SLC9A9: variants seen among roughly 807,000 people sequenced by gnomAD.
The protein encoded by SLC9A9 is solute carrier family 9 member A9, also known as sodium/hydrogen exchanger 9.
SLC9A9 carries 62 observed loss-of-function variants against 77.8 expected under a neutral mutation model. The ratio of observed to expected loss-of-function variants is 0.80; its 90% CI spans 0.65 to 0.98. The LOEUF is 0.98. SLC9A9 is among the 50% of genes least tolerant of loss of function. SLC9A9 has a pLI of 0.00. For synonymous variants in SLC9A9, 320 were observed against 283.5 expected (o/e 1.13, Z -1.29); for missense variants, 775 against 774.9 (o/e 1.00, Z 0.00).
intron 2 of SLC9A9, among the ~76,000 whole-genome samples, chr3:143,809,435 G>A (rs965333015): frequency 6.6e-5 from 10 of 152,170 alleles, no homozygotes; most frequent in South Asian, 2.1e-4. Flanking sequence ...GTAAGCTTAC[G>A]AACTGCTAAA....
chr3:143,270,860 G>A (rs57480602), intron 14 of SLC9A9, among the ~76,000 whole-genome samples: 48,389 of 152,084 alleles, frequency 0.32, 9,551 homozygotes, highest in African/African-American at 0.56. Context: ...AAATCTATGC[G>A]TAGTAGTGCT....
intron 12 of SLC9A9, among the ~76,000 whole-genome samples, chr3:143,431,710 C>G (rs904035455): frequency 6.6e-6 from 1 of 151,912 alleles, no homozygotes; most frequent in African/African-American, 2.4e-5. Flanking sequence ...CTTGATCTCC[C>G]GACCTCGTGA....
At chr3:143,335,592 A>C (rs560610045) in intron 14 of SLC9A9, among the ~76,000 whole-genome samples, 1 of 152,324 alleles carries the variant, frequency 6.6e-6, no homozygotes, top group South Asian at 2.1e-4. Flanking sequence ...ATGGAACAAA[A>C]CAGAGCACCT....
chr3:143,648,394 C>G (rs1412533358), intron 6 of SLC9A9, among the ~76,000 whole-genome samples: 1 of 152,156 alleles, frequency 6.6e-6, no homozygotes, highest in African/African-American at 2.4e-5. Context: ...CTAGATCCCT[C>G]ACATGCGCAG....
At chr3:143,499,520 C>T (rs2035893190) in intron 9 of SLC9A9, among the ~76,000 whole-genome samples, 1 of 152,066 alleles carries the variant, frequency 6.6e-6, no homozygotes, top group Non-Finnish European at 1.5e-5. Flanking sequence ...TAATAATTCT[C>T]ACAGTTTATT....
intron 5 of SLC9A9, among the ~76,000 whole-genome samples, chr3:143,680,044 T>G (rs996684454): frequency 4.6e-5 from 7 of 151,986 alleles, no homozygotes; most frequent in African/African-American, 1.7e-4. Flanking sequence ...AAAGTACAAT[T>G]TTAAAATGTT....
At chr3:143,585,735 T>A (rs1354969491) in intron 6 of SLC9A9, among the ~76,000 whole-genome samples, 70 of 152,186 alleles carry the variant, frequency 4.6e-4, no homozygotes, top group Non-Finnish European at 9.8e-4. Context: ...CTGGGTGGGC[T>A]TACCCCACAT....
intron 4 of SLC9A9, among the ~76,000 whole-genome samples, chr3:143,765,704 T>C (rs2108836135): frequency 6.6e-6 from 1 of 152,272 alleles, no homozygotes; most frequent in South Asian, 2.1e-4. Flanking sequence ...TTACTTTCAT[T>C]CATAATTAAG....
intron 5 of SLC9A9, among the ~76,000 whole-genome samples, chr3:143,667,091 G>C (rs1309088411): frequency 1.3e-5 from 2 of 152,156 alleles, no homozygotes; most frequent in Non-Finnish European, 2.9e-5. Context: ...ATACTGCAAG[G>C]CTACAGTAAC....
intron 9 of SLC9A9, among the ~76,000 whole-genome samples, chr3:143,530,585 C>A (rs965797969): frequency 1.3e-5 from 2 of 152,074 alleles, no homozygotes; most frequent in African/African-American, 4.8e-5. Context: ...AAGGAAAAAC[C>A]TTGACCAAAT....
chr3:143,270,427 A>G (rs1359979164), intron 14 of SLC9A9, among the ~76,000 whole-genome samples: 1 of 152,200 alleles, frequency 6.6e-6, no homozygotes, highest in African/African-American at 2.4e-5. Flanking sequence ...GTTTGCAACC[A>G]GCTGGGTTTT....
At chr3:143,788,863 A>G (rs1032748751) in intron 4 of SLC9A9, among the ~76,000 whole-genome samples, 2 of 151,922 alleles carry the variant, frequency 1.3e-5, no homozygotes, top group African/African-American at 2.4e-5. Flanking sequence ...TGAAAATATG[A>G]CAAGACAACT....
chr3:143,555,196 C>T (rs1397959341), intron 8 of SLC9A9, among the ~76,000 whole-genome samples: 1 of 152,104 alleles, frequency 6.6e-6, no homozygotes, highest in Non-Finnish European at 1.5e-5. Context: ...TAAGGGGTTT[C>T]CCCTTTCACT....
At chr3:143,769,110 T>C (rs1252300611) in intron 4 of SLC9A9, among the ~76,000 whole-genome samples, 9 of 152,164 alleles carry the variant, frequency 5.9e-5, no homozygotes, top group African/African-American at 1.4e-4. Flanking sequence ...GATAAACATA[T>C]GTAAAATACT....
chr3:143,829,548 C>G (rs1365212828), intron 2 of SLC9A9, among the ~76,000 whole-genome samples: 1 of 152,188 alleles, frequency 6.6e-6, no homozygotes, highest in African/African-American at 2.4e-5. Context: ...TGTAAAGTTT[C>G]ACAGTCCTCA....
chr3:143,762,039 T>C (rs564560543), intron 4 of SLC9A9, among the ~76,000 whole-genome samples: 227 of 152,210 alleles, frequency 1.5e-3, no homozygotes, highest in Non-Finnish European at 2.7e-3. Flanking sequence ...ATGTCCTTTG[T>C]AGGGACATGA....
intron 4 of SLC9A9, among the ~76,000 whole-genome samples, chr3:143,734,275 G>A (rs1010236434): frequency 2.0e-5 from 3 of 152,138 alleles, no homozygotes; most frequent in Admixed American, 1.3e-4. Flanking sequence ...TTGCCCCCAG[G>A]CATAATGGTG....
At chr3:143,739,022 C>G (rs955063613) in intron 4 of SLC9A9, among the ~76,000 whole-genome samples, 4 of 152,068 alleles carry the variant, frequency 2.6e-5, no homozygotes, top group African/African-American at 9.7e-5. Flanking sequence ...AAATCACTGG[C>G]CATTGGTGAA....
intron 12 of SLC9A9, among the ~76,000 whole-genome samples, chr3:143,413,704 C>T (rs2034139406): frequency 6.6e-6 from 1 of 152,194 alleles, no homozygotes; most frequent in African/African-American, 2.4e-5. Context: ...AGTAGTTGTT[C>T]TCACTGTACC....
Sources: allele counts gnomAD v4.1 joint callset (sites outside exome capture counted in the v4.1 genomes callset), GRCh38; gene constraint gnomAD v4.1.1; transcripts MANE v1.5; gene names NCBI Gene and HGNC (gene_info 2026-07-23, HGNC 2026-07-21).